Variants in SYNE2 observed in about 807,000 individuals in gnomAD.
SYNE2 encodes nesprin-2.
In SYNE2, 431 loss-of-function variants were observed where a neutral mutation model predicts 856.3. The observed-to-expected ratio is 0.50, with a 90% CI of 0.47 to 0.55. The LOEUF is 0.55. Among genes scored for constraint, SYNE2 ranks in the 20% least tolerant of loss-of-function variants. The pLI is 0.00. For synonymous variants in SYNE2, 2,923 were observed against 2,872.3 expected (o/e 1.02, Z -0.56); for missense variants, 8,129 against 8,023.2 (o/e 1.01, Z -0.50).
chr14:63,861,796 C>T (rs1893815864), intron 1 of SYNE2, among the ~76,000 whole-genome samples: 1 of 152,044 alleles, frequency 6.6e-6, no homozygotes, highest in African/African-American at 2.4e-5. Flanking sequence ...AAAACAAATT[C>T]AATTTTACTA....
At chr14:63,932,283 G>C (rs1399142865) in intron 2 of SYNE2, among the ~76,000 whole-genome samples, 3 of 152,184 alleles carry the variant, frequency 2.0e-5, no homozygotes, top group Non-Finnish European at 4.4e-5. Context: ...TTGGGAAGCT[G>C]AGGCAGGAGA....
At chr14:64,012,413 G>A (rs1051905523) in intron 32 of SYNE2, among the ~76,000 whole-genome samples, 1 of 152,110 alleles carries the variant, frequency 6.6e-6, no homozygotes, top group Non-Finnish European at 1.5e-5. Flanking sequence ...AGAAAACAGA[G>A]ACAAACATAT....
At chr14:64,034,432 A>G (rs1386058490) in intron 45 of SYNE2, 4 of 448,472 alleles carry the variant, frequency 8.9e-6, no homozygotes, top group Non-Finnish European at 1.6e-5. Flanking sequence ...TAGACCCCAG[A>G]AGAATTTTTA....
Position 64,020,014 on chromosome 14 carries a change from A to T in SYNE2, c.5072A>T (p.Gln1691Leu). Reference protein sequence around the residue: ...RLKEELQVHEQKTSEFSRRVA... With the variant: ...RLKEELQVHELKTSEFSRRVA... ...TAGGAAGAATTACAAGTCCATGAACAAAAAACTTCAGAATTTTCTAGAAGA... is the reference window on the plus strand; with the variant it reads ...TAGGAAGAATTACAAGTCCATGAACTAAAAACTTCAGAATTTTCTAGAAGA... The change falls in exon 35 of 116, where the codon CAA (glutamine) becomes CTA (leucine). Residue 1691 changes from glutamine to leucine, a missense_variant. Transcript: ENST00000555002. The T allele has an allele frequency of 6.2e-7, 1 of 1,613,492 alleles. No homozygotes were observed. The highest frequency in any genetic ancestry group is 2.2e-5 in the East Asian group (1 of 44,872).
At chr14:64,113,628 T>C (rs1329245653) in intron 66 of SYNE2, 57 bp downstream of exon 66, 39 of 1,519,682 alleles carry the variant, frequency 2.6e-5, no homozygotes, top group Non-Finnish European at 3.5e-5. Context: ...TCTGCCAAGA[T>C]TGGGTGAATT....
intron 96 of SYNE2, among the ~76,000 whole-genome samples, chr14:64,185,223 C>T (rs550568036): frequency 6.6e-6 from 1 of 152,240 alleles, no homozygotes; most frequent in East Asian, 1.9e-4. Context: ...GATCATGCCA[C>T]TGTAGTCTAG....
At chr14:64,138,328 C>G (rs1375887598) in intron 79 of SYNE2, among the ~76,000 whole-genome samples, 2 of 152,042 alleles carry the variant, frequency 1.3e-5, no homozygotes, top group African/African-American at 4.8e-5. Flanking sequence ...AACTCCTGGA[C>G]TCAAGCGATC....
At chr14:63,955,790 A>T (rs1295754234) in intron 8 of SYNE2, among the ~76,000 whole-genome samples, 3 of 152,228 alleles carry the variant, frequency 2.0e-5, no homozygotes, top group African/African-American at 7.2e-5. Flanking sequence ...TATAGATTTC[A>T]TATAGCTCCA....
chr14:64,190,361 A>C, intron 99 of SYNE2, 124 bp downstream of exon 99: 2 of 1,273,258 alleles, frequency 1.6e-6, no homozygotes, highest in Non-Finnish European at 2.2e-6. Context: ...ATTAAGGCAA[A>C]GTTTGATAAA....
intron 85 of SYNE2, among the ~76,000 whole-genome samples, chr14:64,154,250 C>T (rs945100810): frequency 6.6e-6 from 1 of 150,556 alleles, no homozygotes; most frequent in Admixed American, 6.6e-5. Flanking sequence ...TTCATGACTT[C>T]ATGGATTAGG....
chr14:64,038,627 G>T (rs112172602), intron 45 of SYNE2, among the ~76,000 whole-genome samples: 1 of 152,244 alleles, frequency 6.6e-6, no homozygotes, highest in Non-Finnish European at 1.5e-5. Flanking sequence ...ATCACTCGGC[G>T]GTTAGGAGCT....
In SYNE2 at chr14:64,211,944, C is replaced by G; in HGVS notation, c.18724-17C>G. On this transcript the variant is annotated splice_polypyrimidine_tract_variant and intron_variant, in intron 103 of 115. Coordinates refer to ENST00000555002, the MANE Select transcript of SYNE2 (RefSeq NM_182914.3). ...TCCGTGGTCAGTAGAAATGTGATTT[C>G]CTCCCCACTTTTGCAGCATTTCACC... is the stretch of plus-strand genomic sequence containing the variant. 6.2e-7 allele frequency: 1 copy of G among 1,614,030 alleles called. No individual in the cohort carries two copies. The highest frequency in any genetic ancestry group is 8.5e-7 in the Non-Finnish European group (1 of 1,179,976).
chr14:63,920,190 G>A (rs1477657435), intron 2 of SYNE2, among the ~76,000 whole-genome samples: 1 of 151,888 alleles, frequency 6.6e-6, no homozygotes, highest in Admixed American at 6.6e-5. Flanking sequence ...TGATTACAGA[G>A]ATACACACAA....
In SYNE2 at chr14:64,210,142, T is replaced by C; in HGVS notation, c.18723+18T>C. The C allele has an allele frequency of 2.5e-6, 4 of 1,611,836 alleles. No individual in the cohort carries two copies. Among genetic ancestry groups the C allele is most frequent in the South Asian group, 1.1e-5 (1 of 90,976 alleles). ...GACTCAGGGTGAGCTCCTCTGCACC[T>C]GGCTCGGGTGTAGATTTTCCAGGAG... On this transcript the variant is annotated intron_variant, in intron 103 of 115. Coordinates refer to ENST00000555002, the MANE Select transcript of SYNE2 (RefSeq NM_182914.3).
intron 1 of SYNE2, among the ~76,000 whole-genome samples, chr14:63,805,788 T>C (rs547660785): frequency 6.6e-6 from 1 of 152,318 alleles, no homozygotes; most frequent in East Asian, 1.9e-4. Context: ...GCTTGGACGT[T>C]GTTTGTATAT....
At chr14:64,056,679 T>C (rs951395557) in intron 49 of SYNE2, among the ~76,000 whole-genome samples, 1 of 152,078 alleles carries the variant, frequency 6.6e-6, no homozygotes, top group Non-Finnish European at 1.5e-5. Context: ...TGTACTTTTT[T>C]TTTTTTTTGA....
Position 64,212,090 on chromosome 14 carries a change from C to T in SYNE2, c.18853C>T (p.Gln6285Ter). Residue 6285 changes from glutamine (Q) to a stop codon, truncating the protein, a stop_gained, in exon 104 of 116, where the codon CAA (glutamine) becomes TAA (stop). Transcript: ENST00000555002. LOFTEE classifies it high-confidence loss of function. ...GAGTGACGCCGATGACAAGATGCGC[C>T]AACTGAATGTGAGGGCTGCTGCTTC... Reference protein sequence around the residue: ...SESDADDKMRQLNGFQQEITL... With the variant: ...SESDADDKMR The T allele has an allele frequency of 6.2e-7, 1 of 1,614,124 alleles. No homozygotes were observed. The highest frequency in any genetic ancestry group is 1.7e-5 in the Admixed American group (1 of 60,020).
At chr14:64,124,402 A>T (rs556528614) in intron 70 of SYNE2, among the ~76,000 whole-genome samples, 4 of 142,944 alleles carry the variant, frequency 2.8e-5, no homozygotes, top group African/African-American at 5.3e-5. Context: ...TTTTGCAGAG[A>T]ATGTATCTTG....
At chr14:64,183,249 G>C (rs896769277) in intron 96 of SYNE2, among the ~76,000 whole-genome samples, 11 of 150,674 alleles carry the variant, frequency 7.3e-5, no homozygotes, top group Non-Finnish European at 1.3e-4. Flanking sequence ...CGGGGCGGCC[G>C]GGCAGAGACT....
Sources: allele counts gnomAD v4.1 joint callset (sites outside exome capture counted in the v4.1 genomes callset), GRCh38; gene constraint gnomAD v4.1.1; transcripts MANE v1.5; gene names NCBI Gene and HGNC (gene_info 2026-07-23, HGNC 2026-07-21).